Variants in SPAG1 observed in about 807,000 individuals in gnomAD.
The protein encoded by SPAG1 is sperm-associated antigen 1.
SPAG1 carries 69 observed loss-of-function variants against 100.5 expected under a neutral mutation model. The observed-to-expected ratio is 0.69, with a 90% CI of 0.57 to 0.84. The LOEUF (loss-of-function observed/expected upper bound fraction) is 0.84, where lower values mean the gene tolerates loss of function less well. SPAG1 is among the 40% of genes least tolerant of loss of function. SPAG1 has a pLI of 0.00. For synonymous variants in SPAG1, 336 were observed against 411.6 expected, an observed-to-expected ratio of 0.82 and a Z score of 2.22; for missense variants, 955 against 1,133.1, an observed-to-expected ratio of 0.84 and a Z score of 2.26.
chr8:100,183,938 A>G lies in SPAG1; in HGVS notation c.489-18A>G. ...CCTGTATTGTACTTTTTTGGTTTTT[A>G]TTGTTCTTTCATTTAAGATTTGACG... is the stretch of plus-strand genomic sequence containing the variant. On this transcript the variant is annotated intron_variant, in intron 5 of 18. Coordinates refer to ENST00000388798, the MANE Select transcript of SPAG1 (RefSeq NM_003114.5). 7.5e-7 allele frequency: 1 copy of G among 1,333,282 alleles called. No individual in the cohort carries two copies. The highest frequency in any genetic ancestry group is 1.0e-6 in the Non-Finnish European group (1 of 963,188). The allele number at this position is 1,333,282 out of a possible 1,614,324, so 82.6% of individuals were successfully genotyped here.
chr8:100,220,456 A>G (rs1330880366), intron 13 of SPAG1, 25 bp downstream of exon 13: 2 of 1,594,974 alleles, frequency 1.3e-6, no homozygotes, highest in Non-Finnish European at 1.7e-6. Flanking sequence ...GCAGCTACCT[A>G]AAATCTAGTT....
At chr8:100,184,482 G>A (rs145932162) in intron 6 of SPAG1, 146 bp from the exon 7 acceptor site, 15 of 483,210 alleles carry the variant, frequency 3.1e-5, no homozygotes, top group African/African-American at 2.0e-4. Context: ...ACATCCCTAA[G>A]CTTGGGGAAC....
At chr8:100,202,194 T>C (rs957406970) in intron 10 of SPAG1, among the ~76,000 whole-genome samples, 3 of 152,168 alleles carry the variant, frequency 2.0e-5, no homozygotes, top group African/African-American at 7.2e-5. Context: ...AAGTCTTCTA[T>C]GTTGATGATT....
At chr8:100,199,240 A>C (rs1175829153) in intron 10 of SPAG1, among the ~76,000 whole-genome samples, 1 of 152,202 alleles carries the variant, frequency 6.6e-6, no homozygotes, top group Non-Finnish European at 1.5e-5. Flanking sequence ...ACCTGCAATA[A>C]GGGTTCCAAT....
chr8:100,171,937 C>T (rs568535824), intron 3 of SPAG1, among the ~76,000 whole-genome samples: 12 of 152,034 alleles, frequency 7.9e-5, no homozygotes, highest in African/African-American at 2.4e-4. Context: ...CTCTATCGCC[C>T]GGGCTAGAGC....
chr8:100,217,764 TCTC>T (rs1818071651), intron 12 of SPAG1, among the ~76,000 whole-genome samples: 1 of 152,052 alleles, frequency 6.6e-6, no homozygotes, highest in Admixed American at 6.6e-5. Flanking sequence ...CTAGTAATTC[TCTC>T]CTTTTTCGTT....
At chr8:100,205,395 G>A (rs747332912) in intron 10 of SPAG1, among the ~76,000 whole-genome samples, 10 of 152,138 alleles carry the variant, frequency 6.6e-5, no homozygotes, top group East Asian at 1.9e-4. Context: ...ACATCATTGC[G>A]GTCCTCCAGG....
chr8:100,214,062 C>A (rs1302414086), intron 12 of SPAG1, 144 bp downstream of exon 12: 66 of 543,484 alleles, frequency 1.2e-4, no homozygotes, highest in Non-Finnish European at 3.4e-6. Context: ...GCATAAAAAT[C>A]ATAAATTATC....
rs956044941 is a variant in SPAG1, at chr8:100,240,400, A to T, written c.2281-3A>T. 12 of 1,581,160 alleles carry T rather than the reference A, an allele frequency of 7.6e-6. No individual in the cohort carries two copies. The highest frequency in any genetic ancestry group is 1.0e-5 in the Non-Finnish European group (12 of 1,168,990). On this transcript the variant is annotated splice_region_variant and splice_polypyrimidine_tract_variant and intron_variant, in intron 17 of 18. Transcript: ENST00000388798. The stretch of plus-strand genomic sequence containing the variant: ...ACAATGCATTTTTCTTTTCTTCATG[A>T]AGGTGAATGAAGGCAAGGAGGAGCC...
At chr8:100,238,474 C>A (rs147657442) in intron 16 of SPAG1, among the ~76,000 whole-genome samples, 299 of 152,274 alleles carry the variant, frequency 2.0e-3, no homozygotes, top group African/African-American at 6.7e-3. Context: ...CCTTGCAATT[C>A]TTTGCCTCTT....
Position 100,239,497 on chromosome 8 carries a change from A to G in SPAG1, c.2280+93A>G. ...TCCTGTGAGTTCTAAAACATTTTTAATTTTGTGTTTTTATTCTGATGATCA... is the reference window on the plus strand; with the variant it reads ...TCCTGTGAGTTCTAAAACATTTTTAGTTTTGTGTTTTTATTCTGATGATCA... On this transcript the variant is annotated intron_variant, in intron 17 of 18. Coordinates refer to ENST00000388798, the MANE Select transcript of SPAG1 (RefSeq NM_003114.5). This position sits in a 1 kb window ranked among gnomAD's most constrained non-coding sequence, Gnocchi z 5.0. 1.2e-6 allele frequency: 1 copy of G among 844,048 alleles called. No homozygotes were observed. The highest frequency in any genetic ancestry group is 1.6e-5 in the South Asian group (1 of 61,582). 52.3% of individuals were successfully genotyped at this position (844,048 alleles called of 1,614,324 possible). A position where few individuals can be genotyped will look rare whatever the true frequency, so the allele number is the denominator to read the frequency against.
intron 16 of SPAG1, among the ~76,000 whole-genome samples, chr8:100,234,852 A>T (rs1485809361): frequency 1.3e-5 from 2 of 152,130 alleles, no homozygotes; most frequent in Non-Finnish European, 2.9e-5. Context: ...TCTGAAGGTG[A>T]TGGAGCCTCC....
rs977301593 is a variant in SPAG1, at chr8:100,241,358, T to A, written c.*336T>A. Reference sequence around the variant, plus strand: ...GGCTATGAAGGAGTCCTCTTAAGTTTGATAGAAATGAATTTCTTGTAACAT... The same window carrying A: ...GGCTATGAAGGAGTCCTCTTAAGTTAGATAGAAATGAATTTCTTGTAACAT... On this transcript the variant is annotated 3_prime_UTR_variant, in exon 19 of 19. Coordinates refer to ENST00000388798, the MANE Select transcript of SPAG1 (RefSeq NM_003114.5). The surrounding 1 kb of genome is among the most constrained non-coding windows in gnomAD (Gnocchi z 5.1). The A allele has an allele frequency of 6.2e-6, 1 of 160,008 alleles. No individual in the cohort carries two copies. The highest frequency in any genetic ancestry group is 1.4e-5 in the Non-Finnish European group (1 of 73,472). 9.9% of individuals were successfully genotyped at this position (160,008 alleles called of 1,614,324 possible).
At chr8:100,215,050 T>A (rs1211761814) in intron 12 of SPAG1, among the ~76,000 whole-genome samples, 1 of 98,248 alleles carries the variant, frequency 1.0e-5, no homozygotes, top group African/African-American at 3.7e-5. Flanking sequence ...TATATATATA[T>A]GAAACTATGT....
chr8:100,238,768 A>G (rs1489835980), intron 16 of SPAG1, among the ~76,000 whole-genome samples: 2 of 34,306 alleles, frequency 5.8e-5, no homozygotes, highest in Non-Finnish European at 1.9e-4. Flanking sequence ...TAAGCCACTT[A>G]TTATTTGTTC....
chr8:100,172,634 A>ATGTGTGTGTGTGTGTGTGTGTG (rs60155004), intron 3 of SPAG1, among the ~76,000 whole-genome samples: 5 of 145,452 alleles, frequency 3.4e-5, no homozygotes, highest in Non-Finnish European at 6.0e-5. Context: ...AAAGAAATAT[A>ATGTGTGTGTGTGTGTGTGTGTG]TGTGTGTGTG....
chr8:100,206,183 A>G (rs572591920), intron 10 of SPAG1, among the ~76,000 whole-genome samples: 3 of 152,264 alleles, frequency 2.0e-5, no homozygotes, highest in African/African-American at 4.8e-5. Context: ...GGTGACTCCA[A>G]TTGCAGCTGC....
intron 14 of SPAG1, among the ~76,000 whole-genome samples, chr8:100,226,173 T>G (rs1313955874): frequency 2.0e-5 from 3 of 151,860 alleles, no homozygotes; most frequent in Non-Finnish European, 2.9e-5. Flanking sequence ...ATTTTTGTAT[T>G]TTTAGTAGAG....
chr8:100,191,341 A>G (rs1186338052), intron 8 of SPAG1, 49 bp from the exon 9 acceptor site: 3 of 1,285,532 alleles, frequency 2.3e-6, no homozygotes, highest in South Asian at 1.2e-5. Context: ...TGTTGTAACC[A>G]TAATGCCACA....
Sources: gnomAD v4.1 joint callset for allele counts (sites outside exome capture counted in the v4.1 genomes callset) on GRCh38, gnomAD v4.1.1 for gene constraint, Gnocchi (gnomAD v3.1) non-coding constraint, MANE v1.5 for transcripts, NCBI Gene and HGNC (gene_info 2026-07-23, HGNC 2026-07-21) for gene names.